Variants in PITRM1 observed in about 807,000 individuals in gnomAD.
PITRM1 encodes the protein pitrilysin metallopeptidase 1.
A neutral mutation model predicts 129.9 loss-of-function variants in PITRM1; 100 were observed. The observed-to-expected ratio is 0.77, with a 90% CI of 0.65 to 0.91. The LOEUF (loss-of-function observed/expected upper bound fraction) is 0.91, where lower values mean the gene tolerates loss of function less well. Among genes scored for constraint, PITRM1 ranks in the 40% least tolerant of loss-of-function variants. The pLI, the probability that PITRM1 is intolerant of heterozygous loss-of-function variation, is 0.00. For synonymous variants in PITRM1, 591 were observed against 508.8 expected (o/e 1.16, Z -2.17); for missense variants, 1,471 against 1,318.3 (o/e 1.12, Z -1.79).
At chr10:3,157,196 T>TATAA (rs1842048600) in intron 12 of PITRM1, 132 bp from the exon 13 acceptor site, 1 of 906,178 alleles carries the variant, frequency 1.1e-6, no homozygotes, top group Non-Finnish European at 1.6e-6. Flanking sequence ...ATAACAAAAG[T>TATAA]CATGTAATTC....
At chr10:3,152,298 C>T (rs1041796169) in intron 14 of PITRM1, among the ~76,000 whole-genome samples, 6 of 152,148 alleles carry the variant, frequency 3.9e-5, no homozygotes, top group South Asian at 2.1e-4. Flanking sequence ...AGTGCTACAC[C>T]GAGCCAAGCA....
In PITRM1 at chr10:3,148,237, C is replaced by T; in HGVS notation, c.1926G>A (p.Lys642=). The T allele has an allele frequency of 6.2e-7, 1 of 1,613,992 alleles. No individual in the cohort carries two copies. The highest frequency in any genetic ancestry group is 8.5e-7 in the Non-Finnish European group (1 of 1,179,888). ...YREQAQQIEL[K]TGGMSASPHV... is the part of the protein sequence containing the mutation. ...GGGGAGAAGCACTCATCCCTCCGGT[C>T]TTCAATTCTATCTGCTGAGCCTGCT... is the stretch of plus-strand genomic sequence containing the variant. Residue 642 remains lysine, a synonymous_variant, in exon 17 of 27, where the codon AAG becomes AAA. Transcript: ENST00000224949.
chr10:3,165,395 T>C lies in PITRM1; in HGVS notation c.533+18A>G. ...AATACTAAAGTCTGTATCAACTAGTTAATCATTCATGACATACCAGAAATC... is the reference window on the plus strand; with the variant it reads ...AATACTAAAGTCTGTATCAACTAGTCAATCATTCATGACATACCAGAAATC... On this transcript the variant is annotated intron_variant, in intron 5 of 26. Transcript: ENST00000224949. 2 of 1,607,296 alleles carry C rather than the reference T, an allele frequency of 1.2e-6. No homozygotes were observed. The highest frequency in any genetic ancestry group is 1.7e-5 in the Admixed American group (1 of 59,564).
intron 25 of PITRM1, 115 bp downstream of exon 25, chr10:3,138,789 A>C (rs773261521): frequency 1.0e-6 from 1 of 963,440 alleles, no homozygotes; most frequent in Non-Finnish European, 1.7e-6. Context: ...TATCACAAGC[A>C]AGGATGGAGG....
intron 2 of PITRM1, among the ~76,000 whole-genome samples, chr10:3,169,611 C>CA (rs776721275): frequency 6.6e-6 from 1 of 152,194 alleles, no homozygotes; most frequent in Non-Finnish European, 1.5e-5. Context: ...GGCAAAATAA[C>CA]AAAACAAAAA....
Position 3,159,936 on chromosome 10 carries a change from T to A in PITRM1, c.919A>T (p.Arg307Trp), listed in dbSNP as rs1269068832. 5 of 1,592,132 alleles carry A rather than the reference T, an allele frequency of 3.1e-6. No homozygotes were observed. The highest frequency in any genetic ancestry group is 4.3e-6 in the Non-Finnish European group (5 of 1,166,878). Residue 307 changes from arginine (R) to tryptophan (W), a missense_variant and splice_region_variant, in exon 9 of 27, where the codon AGG becomes TGG. Transcript: ENST00000224949. ...GGGCCACATGTTATCTGGAATTCCC[T>A]CTGTAAAATGACGTGACGTTGTGAG... ...VPAQTPWDKP[R>W]EFQITCGPDS...
Position 3,159,927 on chromosome 10 carries a change from G to A in PITRM1, c.928C>T (p.Gln310Ter), listed in dbSNP as rs778005054. ...QTPWDKPREF[Q>*]ITCGPDSFAT... is the part of the protein sequence containing the mutation. Reference sequence around the variant, plus strand: ...AATGAATCCGGGCCACATGTTATCTGGAATTCCCTCTGTAAAATGACGTGA... The same window carrying A: ...AATGAATCCGGGCCACATGTTATCTAGAATTCCCTCTGTAAAATGACGTGA... The change falls in exon 9 of 27, where the codon CAG becomes TAG. Residue 310 changes from glutamine to a stop codon, truncating the protein, a stop_gained. Coordinates refer to ENST00000224949, the MANE Select transcript of PITRM1 (RefSeq NM_014889.4). LOFTEE classifies it high-confidence loss of function. The A allele has an allele frequency of 2.0e-5, 32 of 1,597,292 alleles. No homozygotes were observed. In the East Asian group the frequency reaches 7.2e-4, roughly 36 times the overall value.
intron 10 of PITRM1, among the ~76,000 whole-genome samples, chr10:3,158,505 G>A (rs1160888031): frequency 2.0e-5 from 3 of 152,076 alleles, no homozygotes; most frequent in Non-Finnish European, 4.4e-5. Flanking sequence ...AGCCGAGATC[G>A]CGTCACTGCA....
rs935609796 is a variant in PITRM1 at position 3,151,257 on chromosome 10, C to G, written c.1728G>C (p.Val576=). 9.4e-6 allele frequency: 15 copies of G among 1,588,652 alleles called. No individual in the cohort carries two copies. In the East Asian group the frequency reaches 3.4e-4, roughly 36 times the overall value. ...AGCGTTCACAGTGACCTGTCAGGAC[C>G]ACGTCCAACTCTGTGACAGGTATGG... The part of the protein sequence containing the change: ...EPTIPVTELD[V]VLTAGDIPVQ... Residue 576 remains valine, a synonymous_variant, in exon 15 of 27, where the codon GTG becomes GTC. Coordinates refer to ENST00000224949, the MANE Select transcript of PITRM1 (RefSeq NM_014889.4).
At chr10:3,147,903 G>T in intron 18 of PITRM1, 84 bp downstream of exon 18, 1 of 1,215,810 alleles carries the variant, frequency 8.2e-7, no homozygotes, top group South Asian at 1.2e-5. Context: ...CAACACACAC[G>T]AGTAAAACTG....
chr10:3,164,664 T>C (rs1276042723), intron 6 of PITRM1, among the ~76,000 whole-genome samples: 3 of 152,224 alleles, frequency 2.0e-5, no homozygotes, highest in Middle Eastern at 3.2e-3. Context: ...TGTGTGTGTT[T>C]ATATAATTTT....
intron 22 of PITRM1, chr10:3,143,828 T>C: frequency 1.7e-6 from 1 of 588,956 alleles, no homozygotes; most frequent in Non-Finnish European, 3.2e-6. Context: ...AGTTACATAT[T>C]TATATTTCAT....
At chr10:3,157,140 C>A in intron 12 of PITRM1, 76 bp from the exon 13 acceptor site, 1 of 1,319,124 alleles carries the variant, frequency 7.6e-7, no homozygotes, top group Middle Eastern at 1.9e-4. Context: ...AGACTTGATA[C>A]TAAAATCCTA....
intron 14 of PITRM1, among the ~76,000 whole-genome samples, chr10:3,152,219 C>T (rs1841584531): frequency 6.6e-6 from 1 of 152,232 alleles, no homozygotes; most frequent in African/African-American, 2.4e-5. Context: ...TGAGCCACAG[C>T]CCATGTGGAG....
chr10:3,140,400 T>C (rs1193312332), intron 24 of PITRM1, among the ~76,000 whole-genome samples: 3 of 152,224 alleles, frequency 2.0e-5, no homozygotes, highest in African/African-American at 4.8e-5. Context: ...TAATAAACCA[T>C]GGAAGGCAAA....
intron 23 of PITRM1, chr10:3,141,520 A>T (rs550302235): frequency 4.3e-5 from 10 of 234,964 alleles, no homozygotes; most frequent in South Asian, 3.9e-4. Flanking sequence ...GAAAACACAC[A>T]CTCTCTGATA....
intron 20 of PITRM1, 164 bp from the exon 21 acceptor site, chr10:3,145,880 C>T (rs1840808343): frequency 4.9e-6 from 3 of 610,650 alleles, no homozygotes; most frequent in East Asian, 2.8e-5. Context: ...CCCTGCTCTT[C>T]AGTGCTTCAG....
chr10:3,157,086 C>G (rs1184075451), intron 12 of PITRM1, 22 bp from the exon 13 acceptor site: 12 of 1,596,864 alleles, frequency 7.5e-6, no homozygotes, highest in Middle Eastern at 1.7e-4. Context: ...ATTTCCACAT[C>G]CACAATGCAG....
At chr10:3,138,167 G>GC (rs1564376516) in intron 26 of PITRM1, 43 bp from the exon 27 acceptor site, 1 of 1,568,748 alleles carries the variant, frequency 6.4e-7, no homozygotes, top group Admixed American at 1.7e-5. Flanking sequence ...TGGCTTCTGC[G>GC]TGAGCGCTGT....
Sources: allele counts gnomAD v4.1 joint callset (sites outside exome capture counted in the v4.1 genomes callset), GRCh38; gene constraint gnomAD v4.1.1; transcripts MANE v1.5; gene names NCBI Gene and HGNC (gene_info 2026-07-23, HGNC 2026-07-21).